TJAP1: variants seen among roughly 807,000 people sequenced by gnomAD.
The protein encoded by TJAP1 is tight junction-associated protein 1.
Under a neutral mutation model 42.0 loss-of-function variants are expected in TJAP1, and 27 were observed. The observed-to-expected ratio is 0.64, with a 90% CI of 0.47 to 0.89. The LOEUF (loss-of-function observed/expected upper bound fraction) is 0.89. TJAP1 is among the 40% of genes least tolerant of loss of function. The probability of loss-of-function intolerance (pLI) is 0.00; values close to 1 mark genes in which losing one functional copy is unlikely to be tolerated. For synonymous variants in TJAP1, 257 were observed against 288.4 expected (o/e 0.89, Z 1.10); for missense variants, 712 against 726.9 (o/e 0.98, Z 0.24).
rs939207742 is a variant in TJAP1 at position 43,505,873 on chromosome 6, C to T, written c.*18C>T. 5 of 1,439,642 alleles carry T rather than the reference C, an allele frequency of 3.5e-6. No individual in the cohort carries two copies. The highest frequency in any genetic ancestry group is 2.9e-5 in the African/African-American group (2 of 69,914). 89.2% of individuals were successfully genotyped at this position (1,439,642 alleles called of 1,614,324 possible). ...TCAACTAGGGCCCCTGCTGGCCTTC[C>T]TGCCATTGCTGCACCAGGACTGCAA... On this transcript the variant is annotated 3_prime_UTR_variant, in exon 11 of 11. Coordinates refer to ENST00000372449, the Ensembl canonical transcript of TJAP1. The surrounding 1 kb of genome is among the most constrained non-coding windows in gnomAD (Gnocchi z 5.5).
chr6:43,497,323 G>C (rs962848889), intron 2 of TJAP1: 1 of 152,274 alleles, frequency 6.6e-6, no homozygotes, highest in Non-Finnish European at 1.5e-5. Flanking sequence ...GAGAGCTACT[G>C]CTCTGTGTTG....
At chr6:43,502,684 T>C (rs1314058319) in intron 8 of TJAP1, 67 bp downstream of exon 8, 2 of 1,527,364 alleles carry the variant, frequency 1.3e-6, no homozygotes, top group East Asian at 2.5e-5. Context: ...TCTGGGATTG[T>C]GGGCCCTGGC....
rs201337272 is a variant in TJAP1, at chr6:43,502,274, C to T, written c.291-9C>T. The T allele has an allele frequency of 1.2e-6, 2 of 1,613,908 alleles. No homozygotes were observed. Among genetic ancestry groups the T allele is most frequent in the Non-Finnish European group, 1.7e-6 (2 of 1,179,970 alleles). ...ACCCAGGGATGTGCCTTGTATTATC[C>T]CTTTTCAGGCTGCAGAACAGCTACA... On this transcript the variant is annotated splice_polypyrimidine_tract_variant and intron_variant, in intron 6 of 10. Coordinates refer to ENST00000372449, the Ensembl canonical transcript of TJAP1.
At chr6:43,478,191 G>A (rs1784604980) in exon 2 of TJAP1, 1 of 152,242 alleles carries the variant, frequency 6.6e-6, no homozygotes, top group Non-Finnish European at 1.5e-5. Context: ...TACTTGGAAA[G>A]AAGAAGAGAT....
At chr6:43,503,829 C>T (rs1023160691) in intron 10 of TJAP1, 123 bp downstream of exon 10, 11 of 834,808 alleles carry the variant, frequency 1.3e-5, no homozygotes, top group Admixed American at 5.9e-5. Flanking sequence ...CTCTTGCCTC[C>T]ATGTCACCTC....
chr6:43,504,942 G>A (rs1234234978), exon 11 of TJAP1: 10 of 1,614,020 alleles, frequency 6.2e-6, no homozygotes, highest in South Asian at 1.1e-5. Flanking sequence ...AGCGCCGGGC[G>A]CCCCTTGGCT....
Position 43,505,944 on chromosome 6 carries a change from T to C in TJAP1, c.*89T>C. The C allele has an allele frequency of 7.3e-7, 1 of 1,361,014 alleles. No individual in the cohort carries two copies. The highest frequency in any genetic ancestry group is 1.7e-5 in the South Asian group (1 of 58,290). 84.3% of individuals were successfully genotyped at this position (1,361,014 alleles called of 1,614,324 possible). ...GCTCAGGGTCCCCAGTCCAAGCCCT[T>C]GACCTCTCCTCTATCCAGACCCGCA... On this transcript the variant is annotated 3_prime_UTR_variant, in exon 11 of 11. Coordinates refer to ENST00000372449, the Ensembl canonical transcript of TJAP1. This position sits in a 1 kb window ranked among gnomAD's most constrained non-coding sequence, Gnocchi z 5.5.
intron 2 of TJAP1, among the ~76,000 whole-genome samples, chr6:43,485,694 T>G (rs981999156): frequency 6.6e-6 from 1 of 152,110 alleles, no homozygotes; most frequent in African/African-American, 2.4e-5. Context: ...GGGGCAAGCT[T>G]TTTTACTGAA....
At chr6:43,487,320 G>A (rs1330549235) in intron 2 of TJAP1, among the ~76,000 whole-genome samples, 5 of 152,140 alleles carry the variant, frequency 3.3e-5, no homozygotes, top group Non-Finnish European at 7.3e-5. Flanking sequence ...ATAAAACTCT[G>A]CTTATCATTT....
chr6:43,499,592 C>G (rs1203419800), intron 4 of TJAP1, among the ~76,000 whole-genome samples: 1 of 152,226 alleles, frequency 6.6e-6, no homozygotes, highest in Non-Finnish European at 1.5e-5. Context: ...AATATGTACT[C>G]CCTGCCAGGA....
chr6:43,500,569 G>C (rs1343460653), intron 4 of TJAP1, 175 bp from the exon 5 acceptor site: 1 of 637,394 alleles, frequency 1.6e-6, no homozygotes, highest in African/African-American at 1.8e-5. Flanking sequence ...GAGGGTAGTC[G>C]AGGCTTGTCC....
At chr6:43,500,980 G>A (rs1157137653) in intron 5 of TJAP1, 10 of 604,954 alleles carry the variant, frequency 1.7e-5, no homozygotes, top group Non-Finnish European at 2.9e-5. Context: ...CTTCAAGAGA[G>A]CGTAGAATCA....
chr6:43,493,101 G>A (rs1232444581), intron 2 of TJAP1, among the ~76,000 whole-genome samples: 2 of 152,208 alleles, frequency 1.3e-5, no homozygotes, highest in Non-Finnish European at 2.9e-5. Flanking sequence ...ATTCTGAAAC[G>A]GCTGGGTGTT....
rs1350945457 is a variant in TJAP1 at position 43,492,174 on chromosome 6, G to T, written c.-121-5707G>T. The stretch of plus-strand genomic sequence containing the variant: ...GAAGTGTTTGCTCATGTGGGAGCCA[G>T]ATGAGCTCTCACAGGTCACCAGCAC... On this transcript the variant is annotated intron_variant, in intron 2 of 10. Transcript: ENST00000372449. The surrounding 1 kb of genome is among the most constrained non-coding windows in gnomAD (Gnocchi z 4.2). 3.9e-5 allele frequency among the ~76,000 whole-genome samples: 6 copies of T among 152,232 alleles called. No homozygotes were observed. Among genetic ancestry groups the T allele is most frequent in the Non-Finnish European group, 8.8e-5 (6 of 68,044 alleles).
chr6:43,505,806 G>A lies in TJAP1; in HGVS notation c.1625G>A (p.Arg542His), dbSNP rs759119952. The A allele has an allele frequency of 5.3e-6, 8 of 1,498,734 alleles. No individual in the cohort carries two copies. The highest frequency in any genetic ancestry group is 1.8e-4 in the Middle Eastern group (1 of 5,582). The allele number at this position is 1,498,734 out of a possible 1,614,324, so 92.8% of individuals were successfully genotyped here. ...AGGATGGGGGTTCACCACCTGCACC[G>A]CAAGGACAGCCTGACCCAGGCCCAG... The change falls in exon 11 of 11, where the codon CGC (arginine) becomes CAC (histidine). Residue 542 changes from arginine to histidine, a missense_variant. Transcript: ENST00000372449. This position sits in a 1 kb window ranked among gnomAD's most constrained non-coding sequence, Gnocchi z 5.5.
intron 2 of TJAP1, among the ~76,000 whole-genome samples, chr6:43,496,461 C>T (rs1789178307): frequency 6.6e-6 from 1 of 152,236 alleles, no homozygotes; most frequent in South Asian, 2.1e-4. Context: ...AGTCAGCCGA[C>T]ACAGCATGTT....
chr6:43,505,806 G>T lies in TJAP1; in HGVS notation c.1625G>T (p.Arg542Leu). ...AGGATGGGGGTTCACCACCTGCACC[G>T]CAAGGACAGCCTGACCCAGGCCCAG... The change falls in exon 11 of 11, where the codon CGC becomes CTC. Residue 542 changes from arginine to leucine, a missense_variant. Coordinates refer to ENST00000372449, the Ensembl canonical transcript of TJAP1. The surrounding 1 kb of genome is among the most constrained non-coding windows in gnomAD (Gnocchi z 5.5). 6.7e-7 allele frequency: 1 copy of T among 1,498,860 alleles called. No homozygotes were observed. 92.8% of individuals were successfully genotyped at this position (1,498,860 alleles called of 1,614,324 possible). A position where few individuals can be genotyped will look rare whatever the true frequency, so the allele number is the denominator to read the frequency against.
At chr6:43,500,281 C>A (rs1582071092) in intron 4 of TJAP1, among the ~76,000 whole-genome samples, 1 of 152,200 alleles carries the variant, frequency 6.6e-6, no homozygotes, top group African/African-American at 2.4e-5. Context: ...TCTTCCTGAG[C>A]CTCTGCAAGA....
In TJAP1 at chr6:43,505,833, A is replaced by G. The variant is rs1792263678; in HGVS notation, c.1652A>G (p.Glu551Gly). ...AAGGACAGCCTGACCCAGGCCCAGGAGCAGGGCAACCTGCTCAACTAGGGC... is the reference window on the plus strand; with the variant it reads ...AAGGACAGCCTGACCCAGGCCCAGGGGCAGGGCAACCTGCTCAACTAGGGC... Residue 551 changes from glutamate (E) to glycine (G), a missense_variant, in exon 11 of 11, where the codon GAG becomes GGG. Coordinates refer to ENST00000372449, the Ensembl canonical transcript of TJAP1. This position sits in a 1 kb window ranked among gnomAD's most constrained non-coding sequence, Gnocchi z 5.5. The G allele has an allele frequency of 6.7e-7, 1 of 1,484,912 alleles. No homozygotes were observed. The highest frequency in any genetic ancestry group is 8.9e-7 in the Non-Finnish European group (1 of 1,122,122). 92.0% of individuals were successfully genotyped at this position (1,484,912 alleles called of 1,614,324 possible).
Sources: allele counts gnomAD v4.1 joint callset (sites outside exome capture counted in the v4.1 genomes callset), GRCh38; gene constraint gnomAD v4.1.1; non-coding constraint Gnocchi (gnomAD v3.1); transcripts MANE v1.5; gene names NCBI Gene and HGNC (gene_info 2026-07-23, HGNC 2026-07-21).